SCD5: variants seen among roughly 807,000 people sequenced by gnomAD.
SCD5 encodes the protein stearoyl-CoA desaturase 5, also known as acyl-CoA-desaturase 4.
SCD5 carries 20 observed loss-of-function variants against 30.4 expected under a neutral mutation model. That is an observed-to-expected ratio of 0.66 (90% CI 0.46 to 0.96). The LOEUF is 0.96. Among genes scored for constraint, SCD5 ranks in the 40% least tolerant of loss-of-function variants. The pLI is 0.00. For missense variants in SCD5, 381 were observed against 443.3 expected, an observed-to-expected ratio of 0.86 and a Z score of 1.26; for synonymous variants, 173 against 176.4, an observed-to-expected ratio of 0.98 and a Z score of 0.16.
intron 1 of SCD5, among the ~76,000 whole-genome samples, chr4:82,731,774 C>A (rs1332775365): frequency 2.6e-5 from 4 of 152,170 alleles, no homozygotes; most frequent in African/African-American, 4.8e-5. Flanking sequence ...GAATTCAGAC[C>A]TCTGAAGTCA....
intron 2 of SCD5, among the ~76,000 whole-genome samples, chr4:82,691,013 T>G (rs1728821825): frequency 7.2e-6 from 1 of 138,086 alleles, no homozygotes; most frequent in Non-Finnish European, 1.6e-5. Context: ...TTTGTTTTTT[T>G]GTTTGTTTGT....
intron 3 of SCD5, among the ~76,000 whole-genome samples, chr4:82,676,581 T>C (rs867628450): frequency 6.6e-6 from 1 of 152,304 alleles, no homozygotes; most frequent in Middle Eastern, 3.4e-3. Context: ...GGAGAACAGA[T>C]CCCAGGAGGA....
chr4:82,687,750 G>A (rs1322731281), intron 2 of SCD5, among the ~76,000 whole-genome samples: 1 of 152,212 alleles, frequency 6.6e-6, no homozygotes, highest in Non-Finnish European at 1.5e-5. Context: ...CAGCCTTTGA[G>A]TGTTATCTGG....
intron 1 of SCD5, among the ~76,000 whole-genome samples, chr4:82,768,239 A>C (rs192926238): frequency 1.2e-3 from 186 of 152,340 alleles, no homozygotes; most frequent in African/African-American, 4.3e-3. Context: ...AAGACTTATT[A>C]AGGGACATTT....
intron 3 of SCD5, among the ~76,000 whole-genome samples, chr4:82,650,170 G>A (rs1255613952): frequency 6.6e-6 from 1 of 152,166 alleles, no homozygotes; most frequent in Non-Finnish European, 1.5e-5. Flanking sequence ...AGTGGGAGGG[G>A]TTGTTAGGTA....
At chr4:82,655,820 A>C (rs12500897) in intron 3 of SCD5, among the ~76,000 whole-genome samples, 36,285 of 152,170 alleles carry the variant, frequency 0.24, 5,530 homozygotes, top group Admixed American at 0.41. Context: ...CATTTTGCTA[A>C]TGTTGGTGAA....
intron 1 of SCD5, among the ~76,000 whole-genome samples, chr4:82,721,665 C>A (rs60096152): frequency 1.3e-5 from 2 of 152,102 alleles, no homozygotes; most frequent in African/African-American, 4.8e-5. Context: ...CATCTATAAG[C>A]GAAGGAGAGA....
At chr4:82,732,786 A>G (rs1000598785) in intron 1 of SCD5, among the ~76,000 whole-genome samples, 1 of 152,214 alleles carries the variant, frequency 6.6e-6, no homozygotes, top group Admixed American at 6.5e-5. Flanking sequence ...AAGTGAAAAT[A>G]ACCCAGGGAC....
chr4:82,780,643 A>T (rs1171389602), intron 1 of SCD5, among the ~76,000 whole-genome samples: 7 of 152,270 alleles, frequency 4.6e-5, no homozygotes, highest in Admixed American at 4.6e-4. Context: ...TTTGCTCCTT[A>T]AAATACTTCA....
chr4:82,745,859 T>C (rs1010689927), intron 1 of SCD5, among the ~76,000 whole-genome samples: 2 of 152,214 alleles, frequency 1.3e-5, no homozygotes, highest in African/African-American at 4.8e-5. Context: ...GGCTAGACAC[T>C]AAATGCGGGC....
chr4:82,634,409 G>A (rs557115237), intron 4 of SCD5, among the ~76,000 whole-genome samples: 72 of 152,198 alleles, frequency 4.7e-4, no homozygotes, highest in African/African-American at 1.1e-3. Flanking sequence ...GCTCTATAAC[G>A]AGTACCTCAA....
intron 3 of SCD5, among the ~76,000 whole-genome samples, chr4:82,653,889 G>A (rs1471737589): frequency 6.6e-6 from 1 of 151,632 alleles, no homozygotes; most frequent in Non-Finnish European, 1.5e-5. Flanking sequence ...TGGCAGAAGA[G>A]TCCTCACACT....
At position 82,717,318 on chromosome 4, in the gene SCD5, G is replaced by A. The variant is rs1396279819; in HGVS notation, c.233-11905C>T. Among the ~76,000 whole-genome samples the A allele has an allele frequency of 2.6e-5, 4 of 151,590 alleles. 1 individual carries two copies. The highest frequency in any genetic ancestry group is 9.8e-5 in the African/African-American group (4 of 40,970). Reference sequence around the variant, plus strand: ...TCCTCAGACTGCTCAGGTTCTCTGAGGTGAAATGGGGAAGAGCAAACACAT... The same window carrying A: ...TCCTCAGACTGCTCAGGTTCTCTGAAGTGAAATGGGGAAGAGCAAACACAT... On this transcript the variant is annotated intron_variant, in intron 1 of 4. Coordinates refer to ENST00000319540, the MANE Select transcript of SCD5 (RefSeq NM_001037582.3).
intron 1 of SCD5, among the ~76,000 whole-genome samples, chr4:82,739,992 C>G (rs1285769974): frequency 1.3e-5 from 2 of 152,160 alleles, no homozygotes; most frequent in African/African-American, 4.8e-5. Flanking sequence ...TCAACACCAG[C>G]CCAGCCACTT....
At chr4:82,636,467 A>AT (rs1553913623) in intron 4 of SCD5, 124 bp downstream of exon 4, 2 of 732,304 alleles carry the variant, frequency 2.7e-6, no homozygotes, top group Non-Finnish European at 4.4e-6. Flanking sequence ...AAAAAAAAAA[A>AT]GCTCAAGTTC....
At chr4:82,706,554 G>C (rs1719973458) in intron 1 of SCD5, among the ~76,000 whole-genome samples, 1 of 152,248 alleles carries the variant, frequency 6.6e-6, no homozygotes, top group South Asian at 2.1e-4. Context: ...ATGTGACCTG[G>C]CCCTGGCCTA....
chr4:82,677,943 G>T (rs1728471104), intron 3 of SCD5, among the ~76,000 whole-genome samples: 1 of 151,844 alleles, frequency 6.6e-6, no homozygotes, highest in South Asian at 2.1e-4. Context: ...ATAATAAAGG[G>T]CCCAGCCAGG....
rs79627467 is a variant in SCD5, at chr4:82,646,561, T to G, written c.570-9738A>C. 4.0e-4 allele frequency among the ~76,000 whole-genome samples: 61 copies of G among 152,330 alleles called. 1 individual carries two copies. The East Asian group carries it at 0.011, about 28-fold the overall frequency. ...GCACTTAGGATTGCTTTGTTTGAAG[T>G]ATTCTCTGAAAGTTGTAATCGAACT... On this transcript the variant is annotated intron_variant, in intron 3 of 4. Coordinates refer to ENST00000319540, the MANE Select transcript of SCD5 (RefSeq NM_001037582.3).
intron 4 of SCD5, among the ~76,000 whole-genome samples, chr4:82,632,494 C>T (rs1727316991): frequency 1.3e-5 from 2 of 152,114 alleles, no homozygotes. Flanking sequence ...CCACAATAAA[C>T]ATACGTGTGC....
Sources: gnomAD v4.1 joint callset for allele counts (sites outside exome capture counted in the v4.1 genomes callset) on GRCh38, gnomAD v4.1.1 for gene constraint, MANE v1.5 for transcripts, NCBI Gene and HGNC (gene_info 2026-07-23, HGNC 2026-07-21) for gene names.